Variants in USP25 observed in about 807,000 individuals in gnomAD.
USP25 encodes ubiquitin carboxyl-terminal hydrolase 25.
USP25 carries 85 observed loss-of-function variants against 158.5 expected under a neutral mutation model. The ratio of observed to expected loss-of-function variants is 0.54; its 90% CI spans 0.45 to 0.64. The LOEUF (loss-of-function observed/expected upper bound fraction) is 0.64. USP25 is among the 30% of genes least tolerant of loss of function. The probability of loss-of-function intolerance (pLI) is 0.00; values close to 1 mark genes in which losing one functional copy is unlikely to be tolerated. For missense variants in USP25, 1,242 were observed against 1,327.3 expected (o/e 0.94, Z 1.00); for synonymous variants, 464 against 460.4 (o/e 1.01, Z -0.10).
intron 17 of USP25, 56 bp downstream of exon 17, chr21:15,833,604 A>T (rs2037917606): frequency 6.9e-7 from 1 of 1,450,994 alleles, no homozygotes; most frequent in African/African-American, 1.4e-5. Flanking sequence ...TTATAATAAG[A>T]TATGCTCATT....
chr21:15,730,749 T>G (rs1048675622), intron 1 of USP25, among the ~76,000 whole-genome samples: 4 of 152,216 alleles, frequency 2.6e-5, no homozygotes, highest in Non-Finnish European at 5.9e-5. Context: ...TGAAACTTTA[T>G]TCTCTCCCCT....
intron 9 of USP25, 45 bp from the exon 10 acceptor site, chr21:15,818,653 C>A: frequency 1.3e-6 from 2 of 1,526,058 alleles, no homozygotes; most frequent in Non-Finnish European, 8.9e-7. Flanking sequence ...ATTTTAGTAG[C>A]CAGAAGGCCA....
rs1484360453 is a variant in USP25 at position 15,843,629 on chromosome 21, AATGAATTTGAT to A, written c.2337+1090_2337+1100del. On this transcript the variant is annotated intron_variant, in intron 18 of 25. Coordinates refer to ENST00000400183, the MANE Select transcript of USP25 (RefSeq NM_001283041.3). This position sits in a 1 kb window ranked among gnomAD's most constrained non-coding sequence, Gnocchi z 4.0. The stretch of plus-strand genomic sequence containing the variant: ...TTTTGCAAATGCCTTAGAAGCTTTA[AATGAATTTGAT>A]GTGAACATCACTAACTCTAAAGCTT... 1.3e-5 allele frequency among the ~76,000 whole-genome samples: 2 copies of A among 152,184 alleles called. No homozygotes were observed. The highest frequency in any genetic ancestry group is 2.9e-5 in the Non-Finnish European group (2 of 68,026).
At chr21:15,781,669 T>A (rs777046428) in intron 4 of USP25, among the ~76,000 whole-genome samples, 20 of 152,274 alleles carry the variant, frequency 1.3e-4, no homozygotes, top group Middle Eastern at 6.8e-3. Flanking sequence ...ATCCTGCCTC[T>A]GCCATACTGT....
intron 17 of USP25, among the ~76,000 whole-genome samples, chr21:15,840,737 G>T (rs539475051): frequency 6.6e-5 from 10 of 152,286 alleles, no homozygotes; most frequent in African/African-American, 2.4e-4. Flanking sequence ...TTGGTCCTAA[G>T]AACCAATTTT....
Position 15,797,016 on chromosome 21 carries a change from G to A in USP25, c.556-2741G>A, listed in dbSNP as rs114624879. 3.9e-3 allele frequency among the ~76,000 whole-genome samples: 595 copies of A among 151,578 alleles called. 6 individuals are homozygous for A. The highest frequency in any genetic ancestry group is 0.014 in the African/African-American group (562 of 41,484). Reference sequence around the variant, plus strand: ...AAATATAAATGAAACTAAGAAGTCAGTGGATAAATTTAGCAGCATTATTAG... The same window carrying A: ...AAATATAAATGAAACTAAGAAGTCAATGGATAAATTTAGCAGCATTATTAG... On this transcript the variant is annotated intron_variant, in intron 5 of 25. Coordinates refer to ENST00000400183, the MANE Select transcript of USP25 (RefSeq NM_001283041.3).
chr21:15,866,865 GT>G (rs1430510078), intron 22 of USP25, among the ~76,000 whole-genome samples: 1 of 152,036 alleles, frequency 6.6e-6, no homozygotes, highest in Non-Finnish European at 1.5e-5. Flanking sequence ...CCTGCCTAAG[GT>G]TTTCACAGCC....
chr21:15,803,793 G>A (rs2036244923), intron 6 of USP25, among the ~76,000 whole-genome samples: 1 of 151,934 alleles, frequency 6.6e-6, no homozygotes, highest in African/African-American at 2.4e-5. Context: ...TAAAACCTAT[G>A]TCTGAGGGCA....
At position 15,738,881 on chromosome 21, in the gene USP25, C is replaced by T. The variant is rs917145097; in HGVS notation, c.45+8443C>T. On this transcript the variant is annotated intron_variant, in intron 1 of 25. Coordinates refer to ENST00000400183, the MANE Select transcript of USP25 (RefSeq NM_001283041.3). ...CATTGCACAGACACTGTGAAAATCC[C>T]GATACTGTTTTGTTCAGATCTAATT... is the stretch of plus-strand genomic sequence containing the variant. Among the ~76,000 whole-genome samples the T allele has an allele frequency of 3.3e-5, 5 of 152,258 alleles. No homozygotes were observed. In the South Asian group the frequency reaches 1.0e-3, roughly 32 times the overall value.
At chr21:15,849,628 G>T in intron 19 of USP25, 149 bp from the exon 20 acceptor site, 1 of 567,484 alleles carries the variant, frequency 1.8e-6, no homozygotes, top group South Asian at 2.7e-5. Flanking sequence ...GATCTTAAAA[G>T]GTGCTTACAT....
intron 1 of USP25, among the ~76,000 whole-genome samples, chr21:15,747,862 T>C (rs1208213871): frequency 3.3e-5 from 5 of 152,260 alleles, no homozygotes; most frequent in African/African-American, 1.2e-4. Context: ...TGAAACGAGA[T>C]AAGGGGAAAC....
intron 4 of USP25, among the ~76,000 whole-genome samples, chr21:15,789,767 C>T (rs1397037249): frequency 6.6e-6 from 1 of 151,896 alleles, no homozygotes; most frequent in African/African-American, 2.4e-5. Flanking sequence ...TGCTGTATCT[C>T]AACGTCTAAA....
In USP25 at chr21:15,818,655, A is replaced by G. The variant is rs954223975; in HGVS notation, c.932-43A>G. ...TTACGTACTCTTAATTTTAGTAGCC[A>G]GAAGGCCATATTGAGTATTATTAAT... On this transcript the variant is annotated intron_variant, in intron 9 of 25. Coordinates refer to ENST00000400183, the MANE Select transcript of USP25 (RefSeq NM_001283041.3). 5 of 1,539,336 alleles carry G rather than the reference A, an allele frequency of 3.2e-6. No individual in the cohort carries two copies. The African/African-American group carries it at 4.1e-5, about 13-fold the overall frequency.
chr21:15,848,935 C>T (rs1256001244), intron 19 of USP25, among the ~76,000 whole-genome samples: 3 of 152,208 alleles, frequency 2.0e-5, no homozygotes, highest in East Asian at 3.9e-4. Flanking sequence ...TGAGTAATTT[C>T]ACTTTGCAGA....
intron 1 of USP25, among the ~76,000 whole-genome samples, chr21:15,757,889 G>A (rs929069665): frequency 1.3e-5 from 2 of 152,054 alleles, no homozygotes; most frequent in African/African-American, 4.8e-5. Context: ...TCTTTTCTGG[G>A]ATTTATATTC....
At chr21:15,734,506 C>T in intron 1 of USP25, among the ~76,000 whole-genome samples, 1 of 151,954 alleles carries the variant, frequency 6.6e-6, no homozygotes. Flanking sequence ...CTTTTCACAC[C>T]TACTTTTGAC....
intron 8 of USP25, among the ~76,000 whole-genome samples, chr21:15,809,250 G>A (rs1244546129): frequency 1.3e-5 from 2 of 152,240 alleles, no homozygotes; most frequent in East Asian, 3.9e-4. Flanking sequence ...TGAGCAAGTG[G>A]CTCTGTTTTA....
intron 4 of USP25, among the ~76,000 whole-genome samples, chr21:15,781,014 A>G (rs1179043089): frequency 6.6e-6 from 1 of 152,248 alleles, no homozygotes; most frequent in Non-Finnish European, 1.5e-5. Flanking sequence ...AGTAAGAAAT[A>G]TGACACAGAT....
intron 9 of USP25, among the ~76,000 whole-genome samples, chr21:15,813,879 A>G (rs1167824627): frequency 6.6e-6 from 1 of 151,870 alleles, no homozygotes; most frequent in African/African-American, 2.4e-5. Context: ...CATGTGGTTA[A>G]ATCCATTAGA....
Sources: allele counts gnomAD v4.1 joint callset (sites outside exome capture counted in the v4.1 genomes callset), GRCh38; gene constraint gnomAD v4.1.1; non-coding constraint Gnocchi (gnomAD v3.1); transcripts MANE v1.5; gene names NCBI Gene and HGNC (gene_info 2026-07-23, HGNC 2026-07-21).